Variants in KCNK1 observed in about 807,000 individuals in gnomAD.
KCNK1 encodes the protein potassium two pore domain channel subfamily K member 1, also known as potassium channel subfamily K member 1.
A neutral mutation model predicts 22.2 loss-of-function variants in KCNK1; 10 were observed. The ratio of observed to expected loss-of-function variants is 0.45; its 90% CI spans 0.28 to 0.76. The LOEUF is 0.76. Ranked by LOEUF, KCNK1 falls within the 30% of genes least tolerant of loss-of-function variation. KCNK1 has a pLI of 0.14. For missense variants in KCNK1, 378 were observed against 421.0 expected, an observed-to-expected ratio of 0.90 and a Z score of 0.89; for synonymous variants, 200 against 186.4, an observed-to-expected ratio of 1.07 and a Z score of -0.60.
At chr1:233,644,540 T>C (rs1237472092) in intron 1 of KCNK1, among the ~76,000 whole-genome samples, 1 of 152,178 alleles carries the variant, frequency 6.6e-6, no homozygotes, top group Non-Finnish European at 1.5e-5. Flanking sequence ...AGCTTGAGCA[T>C]GACTGGGGAG....
intron 1 of KCNK1, among the ~76,000 whole-genome samples, chr1:233,653,602 G>A (rs1441690121): frequency 1.3e-5 from 2 of 152,170 alleles, no homozygotes; most frequent in African/African-American, 2.4e-5. Flanking sequence ...AACAAAAAGG[G>A]AGAGAAAGGG....
intron 2 of KCNK1, among the ~76,000 whole-genome samples, chr1:233,667,775 A>T (rs1238033523): frequency 6.6e-6 from 1 of 150,780 alleles, no homozygotes; most frequent in Non-Finnish European, 1.5e-5. Context: ...AATGTACTTG[A>T]TAACCAACTG....
intron 1 of KCNK1, among the ~76,000 whole-genome samples, chr1:233,634,817 GA>G (rs1462182584): frequency 6.6e-6 from 1 of 152,264 alleles, no homozygotes; most frequent in Non-Finnish European, 1.5e-5. Context: ...GGAGCAGACA[GA>G]AGCCTGATTA....
In KCNK1 at chr1:233,671,586, C is replaced by A; in HGVS notation, c.*56C>A. 6.3e-7 allele frequency: 1 copy of A among 1,579,028 alleles called. No homozygotes were observed. Among genetic ancestry groups the A allele is most frequent in the South Asian group, 1.1e-5 (1 of 88,060 alleles). On this transcript the variant is annotated 3_prime_UTR_variant, in exon 3 of 3. Coordinates refer to ENST00000366621, the MANE Select transcript of KCNK1 (RefSeq NM_002245.4). Reference sequence around the variant, plus strand: ...CCAGGGTCAGGGTGCAAGGAAGAGGCTTAAGTATGTTCATTTTTATCAGAA... The same window carrying A: ...CCAGGGTCAGGGTGCAAGGAAGAGGATTAAGTATGTTCATTTTTATCAGAA...
Position 233,614,439 on chromosome 1 carries a change from G to C in KCNK1, c.268G>C (p.Val90Leu). ...GGTGCTGGAGGCCAGCAACTACGGC[G>C]TGTCGGTGCTCAGCAACGCCTCGGG... ...GRVLEASNYG[V>L]SVLSNASGNW... Residue 90 changes from valine (V) to leucine (L), a missense_variant, in exon 1 of 3, where the codon GTG (valine) becomes CTG (leucine). By Grantham distance (32) the Val-to-Leu change is conservative (BLOSUM62 1). Coordinates refer to ENST00000366621, the MANE Select transcript of KCNK1 (RefSeq NM_002245.4). 6.2e-7 allele frequency: 1 copy of C among 1,613,394 alleles called. No individual in the cohort carries two copies. Among genetic ancestry groups the C allele is most frequent in the South Asian group, 1.1e-5 (1 of 90,890 alleles).
chr1:233,663,862 C>T (rs992428615), intron 1 of KCNK1, among the ~76,000 whole-genome samples: 4 of 151,838 alleles, frequency 2.6e-5, no homozygotes, highest in African/African-American at 7.3e-5. Flanking sequence ...GACAGAGTCT[C>T]GCTGTGTCAC....
At position 233,672,358 on chromosome 1, in the gene KCNK1, A is replaced by G. The variant is rs1490528693; in HGVS notation, c.*828A>G. 2 of 152,000 alleles carry G rather than the reference A, an allele frequency of 1.3e-5. No individual in the cohort carries two copies. The highest frequency in any genetic ancestry group is 4.8e-5 in the African/African-American group (2 of 41,402). The allele number at this position is 152,000 out of a possible 1,614,324, so 9.4% of individuals were successfully genotyped here. On this transcript the variant is annotated 3_prime_UTR_variant, in exon 3 of 3. Coordinates refer to ENST00000366621, the MANE Select transcript of KCNK1 (RefSeq NM_002245.4). ...TATGAAAAGGATTTATTAAAAGGTT[A>G]AGATACTTTGTTTTGAAAGTACATT...
intron 1 of KCNK1, among the ~76,000 whole-genome samples, chr1:233,619,167 A>G (rs1385311743): frequency 6.6e-6 from 1 of 151,754 alleles, no homozygotes; most frequent in African/African-American, 2.4e-5. Flanking sequence ...ACAGGCGCAC[A>G]CCACCGCACC....
intron 1 of KCNK1, among the ~76,000 whole-genome samples, chr1:233,618,492 T>C (rs1657524579): frequency 6.6e-6 from 1 of 152,184 alleles, no homozygotes; most frequent in South Asian, 2.1e-4. Flanking sequence ...GACAGTGTCG[T>C]TCATTCTTAA....
chr1:233,641,878 G>C (rs539774692), intron 1 of KCNK1, among the ~76,000 whole-genome samples: 1 of 152,350 alleles, frequency 6.6e-6, no homozygotes, highest in East Asian at 1.9e-4. Context: ...AAAGGATTTT[G>C]AGTGTCTGCA....
At chr1:233,636,861 G>A (rs1558112295) in intron 1 of KCNK1, among the ~76,000 whole-genome samples, 3 of 152,306 alleles carry the variant, frequency 2.0e-5, no homozygotes, top group East Asian at 1.9e-4. Flanking sequence ...AGAATGGGCA[G>A]TAGGTGGCAG....
intron 1 of KCNK1, chr1:233,649,924 C>G (rs542266231): frequency 7.5e-6 from 4 of 533,100 alleles, no homozygotes; most frequent in South Asian, 5.6e-5. Context: ...CTTCTGTGTT[C>G]TGCCACTAAA....
chr1:233,654,377 G>A (rs949553976), intron 1 of KCNK1, among the ~76,000 whole-genome samples: 9 of 152,130 alleles, frequency 5.9e-5, no homozygotes, highest in African/African-American at 2.2e-4. Flanking sequence ...TTTTTAAAAA[G>A]CGTCAGAGAA....
At chr1:233,653,045 C>G (rs1658227443) in intron 1 of KCNK1, among the ~76,000 whole-genome samples, 1 of 152,204 alleles carries the variant, frequency 6.6e-6, no homozygotes, top group Non-Finnish European at 1.5e-5. Context: ...CTTTATCAGG[C>G]TTTCACCTTC....
intron 2 of KCNK1, among the ~76,000 whole-genome samples, chr1:233,669,665 G>C (rs1208011542): frequency 6.6e-6 from 1 of 152,100 alleles, no homozygotes; most frequent in East Asian, 1.9e-4. Flanking sequence ...TGGCCAATAT[G>C]GTGAAACACC....
At chr1:233,646,906 G>A (rs1010284416) in intron 1 of KCNK1, among the ~76,000 whole-genome samples, 1 of 152,144 alleles carries the variant, frequency 6.6e-6, no homozygotes. Flanking sequence ...GAGCGGCTTG[G>A]ATGGAAGCTC....
chr1:233,619,727 C>T (rs61824269), intron 1 of KCNK1, among the ~76,000 whole-genome samples: 14,330 of 151,922 alleles, frequency 0.094, 747 homozygotes, highest in East Asian at 0.15. Flanking sequence ...CTGGCCAACA[C>T]GGTGAAACCC....
chr1:233,639,478 T>C (rs565570244), intron 1 of KCNK1, among the ~76,000 whole-genome samples: 2 of 152,360 alleles, frequency 1.3e-5, no homozygotes, highest in East Asian at 3.9e-4. Context: ...TGTTGCCTAA[T>C]TGAATCCATT....
chr1:233,634,894 C>G (rs1216300872), intron 1 of KCNK1, among the ~76,000 whole-genome samples: 8 of 152,180 alleles, frequency 5.3e-5, no homozygotes, highest in African/African-American at 2.4e-5. Flanking sequence ...TATGTCCAGA[C>G]AGAACACTTC....
Sources: gnomAD v4.1 joint callset for allele counts (sites outside exome capture counted in the v4.1 genomes callset) on GRCh38, gnomAD v4.1.1 for gene constraint, MANE v1.5 for transcripts, NCBI Gene and HGNC (gene_info 2026-07-23, HGNC 2026-07-21) for gene names.